The following AP2B1 variants were observed in gnomAD, a reference collection of about 807,000 sequenced individuals.
AP2B1 encodes AP-2 complex subunit beta.
In AP2B1, 23 loss-of-function variants were observed where a neutral mutation model predicts 102.0. The observed-to-expected ratio is 0.23, with a 90% confidence interval of 0.16 to 0.32. The LOEUF is 0.32. Ranked by LOEUF, AP2B1 falls within the 10% of genes least tolerant of loss-of-function variation. AP2B1 has a pLI of 1.00. For synonymous variants in AP2B1, 381 were observed against 421.2 expected (o/e 0.90, Z 1.17); for missense variants, 541 against 1,157.4 (o/e 0.47, Z 7.73).
At chr17:35,723,478 A>T in intron 21 of AP2B1, 147 bp from the exon 22 acceptor site, 6 of 605,024 alleles carry the variant, frequency 9.9e-6, no homozygotes, top group Non-Finnish European at 1.5e-5. Flanking sequence ...CACAGCACTT[A>T]TTAACATAAT....
intron 18 of AP2B1, among the ~76,000 whole-genome samples, chr17:35,708,293 T>C (rs1484364901): frequency 6.6e-6 from 1 of 152,226 alleles, no homozygotes; most frequent in Non-Finnish European, 1.5e-5. Context: ...CAGAAACCAG[T>C]GGGAGGTGGT....
chr17:35,671,653 C>T, intron 15 of AP2B1, 101 bp from the exon 16 acceptor site: 1 of 1,180,272 alleles, frequency 8.5e-7, no homozygotes. Context: ...ATGGTGTTTT[C>T]TTATTGATTT....
chr17:35,723,230 C>T (rs1209445618), intron 21 of AP2B1, among the ~76,000 whole-genome samples: 4 of 152,226 alleles, frequency 2.6e-5, no homozygotes, highest in Non-Finnish European at 5.9e-5. Flanking sequence ...TCTTGTCAGA[C>T]TGAGAAACTG....
intron 13 of AP2B1, among the ~76,000 whole-genome samples, chr17:35,655,439 C>G (rs2075195250): frequency 6.6e-6 from 1 of 152,112 alleles, no homozygotes; most frequent in Non-Finnish European, 1.5e-5. Flanking sequence ...ACAGTTTTTA[C>G]TCTTCTGTGT....
intron 12 of AP2B1, among the ~76,000 whole-genome samples, chr17:35,647,069 G>A (rs908953199): frequency 1.3e-5 from 2 of 152,118 alleles, no homozygotes; most frequent in Non-Finnish European, 2.9e-5. Flanking sequence ...AAGACAAACT[G>A]AATTTTCTAA....
chr17:35,646,379 C>T (rs1284393474), intron 12 of AP2B1, among the ~76,000 whole-genome samples: 3 of 93,222 alleles, frequency 3.2e-5, no homozygotes, highest in Non-Finnish European at 6.1e-5. Context: ...TCCCTCAGAA[C>T]GACAGAGTTT....
intron 5 of AP2B1, among the ~76,000 whole-genome samples, 194 bp downstream of exon 5, chr17:35,608,581 G>T (rs2073762764): frequency 6.6e-6 from 1 of 152,084 alleles, no homozygotes; most frequent in South Asian, 2.1e-4. Flanking sequence ...CTAAAATGCA[G>T]GGATCTTAAA....
At chr17:35,627,773 GTTCTC>G (rs1567847222) in intron 9 of AP2B1, 47 bp downstream of exon 9, 1 of 1,452,606 alleles carries the variant, frequency 6.9e-7, no homozygotes, top group Non-Finnish European at 9.5e-7. Context: ...GATTCTGAGA[GTTCTC>G]TTCACTTTTT....
At chr17:35,648,669 G>A (rs2075005992) in intron 12 of AP2B1, among the ~76,000 whole-genome samples, 1 of 151,942 alleles carries the variant, frequency 6.6e-6, no homozygotes, top group African/African-American at 2.4e-5. Flanking sequence ...GTGGAAAAGT[G>A]CAGTCGTATA....
chr17:35,593,449 T>A (rs1597960162), intron 1 of AP2B1, among the ~76,000 whole-genome samples: 1 of 151,596 alleles, frequency 6.6e-6, no homozygotes. Context: ...AACTAAAAAT[T>A]AAAAAAATTC....
chr17:35,639,530 G>C, intron 10 of AP2B1, 65 bp from the exon 11 acceptor site: 1 of 1,480,222 alleles, frequency 6.8e-7, no homozygotes, highest in Non-Finnish European at 9.1e-7. Flanking sequence ...TTTGCCTTTA[G>C]CCTTCACTGT....
intron 14 of AP2B1, 31 bp from the exon 15 acceptor site, chr17:35,670,826 C>G: frequency 1.2e-6 from 2 of 1,611,686 alleles, no homozygotes; most frequent in African/African-American, 1.3e-5. Context: ...AACTCTACCT[C>G]TCTCTCCTCT....
At chr17:35,611,637 A>G (rs1487669642) in intron 5 of AP2B1, among the ~76,000 whole-genome samples, 2 of 152,252 alleles carry the variant, frequency 1.3e-5, no homozygotes, top group Non-Finnish European at 2.9e-5. Flanking sequence ...CATCTAGTCC[A>G]TAAAATCAGG....
intron 18 of AP2B1, among the ~76,000 whole-genome samples, chr17:35,686,434 A>G (rs1038570489): frequency 2.6e-5 from 4 of 152,134 alleles, no homozygotes; most frequent in Admixed American, 1.3e-4. Flanking sequence ...AACTTCTTCA[A>G]ACTTGGACTG....
At chr17:35,659,670 C>T (rs1394431196) in intron 14 of AP2B1, 1 of 328,454 alleles carries the variant, frequency 3.0e-6, no homozygotes, top group Non-Finnish European at 4.4e-6. Context: ...AAATATGCAA[C>T]CTTTGCTAGA....
At chr17:35,593,157 T>G (rs1334946074) in intron 1 of AP2B1, among the ~76,000 whole-genome samples, 1 of 152,186 alleles carries the variant, frequency 6.6e-6, no homozygotes, top group Non-Finnish European at 1.5e-5. Context: ...TCTGGATTGT[T>G]GGAAGTAAGA....
At chr17:35,648,439 C>T (rs1017586976) in intron 12 of AP2B1, among the ~76,000 whole-genome samples, 9 of 152,010 alleles carry the variant, frequency 5.9e-5, no homozygotes, top group African/African-American at 1.9e-4. Flanking sequence ...TCACTTGAAC[C>T]CGAGAGGCAG....
intron 20 of AP2B1, 62 bp from the exon 21 acceptor site, chr17:35,717,133 G>T: frequency 6.4e-7 from 1 of 1,564,448 alleles, no homozygotes. Context: ...GATGTGAGAA[G>T]AGAGTGTACA....
At chr17:35,672,410 A>G (rs984021417) in intron 16 of AP2B1, among the ~76,000 whole-genome samples, 3 of 152,172 alleles carry the variant, frequency 2.0e-5, no homozygotes, top group Non-Finnish European at 4.4e-5. Context: ...TGTCACTCAC[A>G]TTGAAGTTCA....
Sources: allele counts gnomAD v4.1 joint callset (sites outside exome capture counted in the v4.1 genomes callset), GRCh38; gene constraint gnomAD v4.1.1; transcripts MANE v1.5; gene names NCBI Gene and HGNC (gene_info 2026-07-23, HGNC 2026-07-21).